The following DNER variants were observed in gnomAD, a reference collection of about 807,000 sequenced individuals.
DNER encodes delta and Notch-like epidermal growth factor-related receptor.
DNER carries 33 observed loss-of-function variants against 78.2 expected under a neutral mutation model. That is an observed-to-expected ratio of 0.42 (90% CI 0.32 to 0.56). The LOEUF (loss-of-function observed/expected upper bound fraction) is 0.56. Among genes scored for constraint, DNER ranks in the 20% least tolerant of loss-of-function variants. The pLI, the probability that DNER is intolerant of heterozygous loss-of-function variation, is 0.11. For synonymous variants in DNER, 417 were observed against 384.8 expected, an observed-to-expected ratio of 1.08 and a Z score of -0.98; for missense variants, 918 against 975.3, an observed-to-expected ratio of 0.94 and a Z score of 0.78.
intron 1 of DNER, among the ~76,000 whole-genome samples, chr2:229,669,005 T>G (rs1385855834): frequency 6.6e-6 from 1 of 151,860 alleles, no homozygotes; most frequent in Admixed American, 6.6e-5. Flanking sequence ...ATAAAGAAAA[T>G]GTTGCACATA....
rs948971766 is a variant in DNER, at chr2:229,504,313, G to A, written c.1147+8470C>T. 8.5e-5 allele frequency among the ~76,000 whole-genome samples: 13 copies of A among 152,180 alleles called. No individual in the cohort carries two copies. In the South Asian group the frequency reaches 1.5e-3, roughly 17 times the overall value. The stretch of plus-strand genomic sequence containing the variant: ...TGGCTCACTGCAACCTCTGCCTCCC[G>A]GGTTCAAGCGATTCTCCTGCCTCAG... On this transcript the variant is annotated intron_variant, in intron 6 of 12. Coordinates refer to ENST00000341772, the MANE Select transcript of DNER (RefSeq NM_139072.4).
intron 9 of DNER, among the ~76,000 whole-genome samples, chr2:229,408,400 C>T: frequency 6.6e-6 from 1 of 152,102 alleles, no homozygotes; most frequent in East Asian, 1.9e-4. Flanking sequence ...TAGTGTCTCT[C>T]TCTCTCTCCT....
At chr2:229,523,196 C>A (rs1265919477) in intron 5 of DNER, among the ~76,000 whole-genome samples, 1 of 152,194 alleles carries the variant, frequency 6.6e-6, no homozygotes, top group Non-Finnish European at 1.5e-5. Flanking sequence ...GGGCACAAAT[C>A]CTCTCTGCTG....
At chr2:229,459,437 G>A (rs967140190) in intron 7 of DNER, among the ~76,000 whole-genome samples, 5 of 152,066 alleles carry the variant, frequency 3.3e-5, no homozygotes, top group Admixed American at 3.3e-4. Flanking sequence ...AAAAGTAATA[G>A]AAAAATTTTA....
intron 1 of DNER, among the ~76,000 whole-genome samples, chr2:229,650,348 C>CA (rs1698794067): frequency 6.6e-6 from 1 of 152,046 alleles, no homozygotes; most frequent in Non-Finnish European, 1.5e-5. Context: ...GGAGGGAGAA[C>CA]AAAAAACGTA....
At chr2:229,537,494 A>C (rs1696429042) in intron 5 of DNER, among the ~76,000 whole-genome samples, 1 of 152,184 alleles carries the variant, frequency 6.6e-6, no homozygotes, top group Non-Finnish European at 1.5e-5. Context: ...AAACGGCTTA[A>C]ATATCTCTTA....
rs999097704 is a variant in DNER, at chr2:229,656,466, C to A, written c.276+57682G>T. ...TGAGGGGCAGACACATGGTGAGATT[C>A]ATTCCCTACCACTAAGCGTGGGCTG... On this transcript the variant is annotated intron_variant, in intron 1 of 12. Coordinates refer to ENST00000341772, the MANE Select transcript of DNER (RefSeq NM_139072.4). Among the ~76,000 whole-genome samples the A allele has an allele frequency of 1.4e-4, 22 of 152,286 alleles. No homozygotes were observed. The Middle Eastern group carries it at 0.01, about 71-fold the overall frequency.
intron 1 of DNER, among the ~76,000 whole-genome samples, chr2:229,662,805 A>C: frequency 6.6e-6 from 1 of 152,236 alleles, no homozygotes; most frequent in East Asian, 1.9e-4. Flanking sequence ...AAGTGAATTC[A>C]CCTATGAAAT....
chr2:229,491,994 A>C (rs76376503), intron 6 of DNER, among the ~76,000 whole-genome samples: 18,968 of 151,576 alleles, frequency 0.13, 1,323 homozygotes, highest in South Asian at 0.2. Flanking sequence ...CAGACACACA[A>C]ACACACTACA....
intron 6 of DNER, among the ~76,000 whole-genome samples, chr2:229,499,663 A>AT (rs1056381186): frequency 3.6e-4 from 55 of 151,534 alleles, no homozygotes; most frequent in African/African-American, 9.9e-4. Flanking sequence ...CTGTGCAATG[A>AT]TTTTTTTTGC....
intron 1 of DNER, among the ~76,000 whole-genome samples, chr2:229,708,354 G>T (rs545828579): frequency 8.2e-4 from 125 of 152,330 alleles, no homozygotes; most frequent in Admixed American, 2.3e-3. Context: ...GAATCTGGGG[G>T]ACAGGGGAAC....
intron 1 of DNER, among the ~76,000 whole-genome samples, chr2:229,645,028 T>A (rs571523866): frequency 2.0e-5 from 3 of 151,230 alleles, no homozygotes; most frequent in Admixed American, 1.3e-4. Flanking sequence ...AAAAAAAAAA[T>A]TTAAGAGACA....
At position 229,598,967 on chromosome 2, in the gene DNER, C is replaced by T. The variant is rs116024849; in HGVS notation, c.277-7079G>A. Among the ~76,000 whole-genome samples the T allele has an allele frequency of 1.2e-3, 190 of 152,216 alleles. 1 individual carries two copies. The highest frequency in any genetic ancestry group is 4.0e-3 in the African/African-American group (168 of 41,534). ...CAGAAGGTTCAGGGAAGAACCGAGC[C>T]GACCAGAGGTCAGCTCCTCCAATAT... On this transcript the variant is annotated intron_variant, in intron 1 of 12. Transcript: ENST00000341772.
At chr2:229,360,095 GAA>G (rs1692178820) in intron 12 of DNER, among the ~76,000 whole-genome samples, 2 of 152,204 alleles carry the variant, frequency 1.3e-5, no homozygotes, top group Non-Finnish European at 2.9e-5. Context: ...CTAAGGATAG[GAA>G]AAGTGTCAAC....
intron 11 of DNER, among the ~76,000 whole-genome samples, chr2:229,382,498 G>A (rs1452181672): frequency 6.6e-6 from 1 of 152,032 alleles, no homozygotes; most frequent in Non-Finnish European, 1.5e-5. Flanking sequence ...CTAACCCAAT[G>A]CAAGGAAGCT....
At chr2:229,713,843 T>C (rs1199346954) in intron 1 of DNER, among the ~76,000 whole-genome samples, 3 of 151,646 alleles carry the variant, frequency 2.0e-5, no homozygotes, top group Non-Finnish European at 2.9e-5. Context: ...CGGCCCGGCC[T>C]GGAGGGGCGC....
At chr2:229,468,076 A>T (rs1694841704) in intron 7 of DNER, among the ~76,000 whole-genome samples, 1 of 152,226 alleles carries the variant, frequency 6.6e-6, no homozygotes, top group Admixed American at 6.5e-5. Context: ...GCCTTTGCAG[A>T]ATGATAACTG....
At chr2:229,600,319 T>A (rs1697804515) in intron 1 of DNER, among the ~76,000 whole-genome samples, 1 of 152,212 alleles carries the variant, frequency 6.6e-6, no homozygotes, top group African/African-American at 2.4e-5. Context: ...CCACAAAGCC[T>A]ATATGATATT....
chr2:229,568,605 T>C (rs897294074), intron 4 of DNER, among the ~76,000 whole-genome samples: 10 of 152,382 alleles, frequency 6.6e-5, no homozygotes, highest in African/African-American at 2.4e-4. Flanking sequence ...ACACTCATTA[T>C]TATAATTATA....
Sources: gnomAD v4.1 joint callset for allele counts (sites outside exome capture counted in the v4.1 genomes callset) on GRCh38, gnomAD v4.1.1 for gene constraint, MANE v1.5 for transcripts, NCBI Gene and HGNC (gene_info 2026-07-23, HGNC 2026-07-21) for gene names.